The following SYNJ2BP variants were observed in gnomAD, a reference collection of about 807,000 sequenced individuals.
The protein encoded by SYNJ2BP is synaptojanin-2-binding protein.
Under a neutral mutation model 16.9 loss-of-function variants are expected in SYNJ2BP, and 10 were observed. The ratio of observed to expected loss-of-function variants is 0.59; its 90% confidence interval spans 0.36 to 1.00. The LOEUF (loss-of-function observed/expected upper bound fraction) is 1.00, where lower values mean the gene tolerates loss of function less well. Among genes scored for constraint, SYNJ2BP ranks in the 50% least tolerant of loss-of-function variants. The probability of loss-of-function intolerance (pLI) is 0.01; values close to 1 mark genes in which losing one functional copy is unlikely to be tolerated. For synonymous variants in SYNJ2BP, 54 were observed against 68.4 expected (o/e 0.79, Z 1.04); for missense variants, 162 against 186.7 (o/e 0.87, Z 0.77).
Position 70,388,456 on chromosome 14 carries a change from A to G in SYNJ2BP, c.201+14T>C. The G allele has an allele frequency of 6.5e-7, 1 of 1,540,282 alleles. No individual in the cohort carries two copies. Among genetic ancestry groups the G allele is most frequent in the Non-Finnish European group, 8.7e-7 (1 of 1,145,206 alleles). On this transcript the variant is annotated intron_variant, in intron 2 of 3. Coordinates refer to ENST00000256366, the MANE Select transcript of SYNJ2BP (RefSeq NM_018373.3). ...GAGCAAAGGACAGTGAAGGAGGCCG[A>G]AGCCCATTCTCACCGAAAGGATCTT...
rs1276443082 is a variant in SYNJ2BP at position 70,395,992 on chromosome 14, A to C, written c.65-7386T>G. On this transcript the variant is annotated intron_variant, in intron 1 of 3. Coordinates refer to ENST00000256366, the MANE Select transcript of SYNJ2BP (RefSeq NM_018373.3). The stretch of plus-strand genomic sequence containing the variant: ...ATTCTTTTTTTTAAGGCTGAATTAT[A>C]ATCTTTTGTATGTACATACCACATT... Among the ~76,000 whole-genome samples the C allele has an allele frequency of 2.0e-5, 3 of 152,282 alleles. No homozygotes were observed. The East Asian group carries it at 5.8e-4, about 29-fold the overall frequency.
rs149186362 is a variant in SYNJ2BP at position 70,368,691 on chromosome 14, TTTGTTGTTGTTG to T, written c.*4288_*4299del. ...AAGCTGGGCTCTAAAGGCCCAAGTT[TTTGTTGTTGTTG>T]TTGTTGTTGTTGTTTTGCCTGAAGC... On this transcript the variant is annotated 3_prime_UTR_variant, in exon 4 of 4. Coordinates refer to ENST00000256366, the MANE Select transcript of SYNJ2BP (RefSeq NM_018373.3). 2 of 151,156 alleles carry T rather than the reference TTTGTTGTTGTTG, an allele frequency of 1.3e-5. No individual in the cohort carries two copies. Among genetic ancestry groups the T allele is most frequent in the Non-Finnish European group, 3.0e-5 (2 of 67,578 alleles). The allele number at this position is 151,156 out of a possible 1,614,324, so 9.4% of individuals were successfully genotyped here. A position where few individuals can be genotyped will look rare whatever the true frequency, so the allele number is the denominator to read the frequency against.
At chr14:70,376,221 T>C (rs576571749) in intron 2 of SYNJ2BP, among the ~76,000 whole-genome samples, 2 of 152,340 alleles carry the variant, frequency 1.3e-5, no homozygotes, top group South Asian at 2.1e-4. Flanking sequence ...CCAATTTATT[T>C]TGATGTCATA....
At chr14:70,391,619 G>A (rs1887982118) in intron 1 of SYNJ2BP, among the ~76,000 whole-genome samples, 3 of 152,196 alleles carry the variant, frequency 2.0e-5, no homozygotes, top group Admixed American at 2.0e-4. Context: ...TGCTACAGTT[G>A]CCTCTGGTGA....
In SYNJ2BP at chr14:70,368,756, G is replaced by A. The variant is rs1039742009; in HGVS notation, c.*4235C>T. On this transcript the variant is annotated 3_prime_UTR_variant, in exon 4 of 4. Transcript: ENST00000256366. Reference sequence around the variant, plus strand: ...TGTATGTAATTTAATAATTTAAATAGTGTTTAATTAAATAGTGTCTTGTTT... The same window carrying A: ...TGTATGTAATTTAATAATTTAAATAATGTTTAATTAAATAGTGTCTTGTTT... 1 of 151,694 alleles carries A rather than the reference G, an allele frequency of 6.6e-6. No individual in the cohort carries two copies. Among genetic ancestry groups the A allele is most frequent in the Non-Finnish European group, 1.5e-5 (1 of 67,660 alleles). The allele number at this position is 151,694 out of a possible 1,614,324, so 9.4% of individuals were successfully genotyped here.
At chr14:70,385,137 C>T (rs1887832525) in intron 2 of SYNJ2BP, among the ~76,000 whole-genome samples, 1 of 152,084 alleles carries the variant, frequency 6.6e-6, no homozygotes, top group South Asian at 2.1e-4. Context: ...CTACTTTTCT[C>T]TTCATTGACA....
At chr14:70,412,273 T>C (rs1438196313) in intron 1 of SYNJ2BP, among the ~76,000 whole-genome samples, 1 of 152,128 alleles carries the variant, frequency 6.6e-6, no homozygotes, top group African/African-American at 2.4e-5. Flanking sequence ...TTCTTAAACA[T>C]GGCTACTGCA....
chr14:70,412,794 G>A (rs1594964521), intron 1 of SYNJ2BP, among the ~76,000 whole-genome samples: 1 of 152,090 alleles, frequency 6.6e-6, no homozygotes, highest in East Asian at 1.9e-4. Context: ...GAAACCCATT[G>A]AGGACTCGGA....
intron 3 of SYNJ2BP, among the ~76,000 whole-genome samples, chr14:70,374,957 A>AT (rs34793292): frequency 3.3e-5 from 5 of 150,466 alleles, no homozygotes; most frequent in Admixed American, 6.6e-5. Context: ...TTTTATTATT[A>AT]TTTTTTTAAG....
intron 1 of SYNJ2BP, among the ~76,000 whole-genome samples, chr14:70,391,991 G>A (rs1887990699): frequency 6.6e-6 from 1 of 152,172 alleles, no homozygotes. Context: ...TTAAGTAGTG[G>A]CATGACCAAC....
intron 1 of SYNJ2BP, among the ~76,000 whole-genome samples, chr14:70,394,406 G>T (rs1207741811): frequency 6.6e-6 from 1 of 150,768 alleles, no homozygotes; most frequent in Non-Finnish European, 1.5e-5. Context: ...TAGCATTTAA[G>T]GTCCAAAAGG....
chr14:70,393,934 C>T (rs1347552701), intron 1 of SYNJ2BP, among the ~76,000 whole-genome samples: 2 of 140,718 alleles, frequency 1.4e-5, no homozygotes, highest in Non-Finnish European at 1.5e-5. Context: ...CAAACCTGCA[C>T]GTTCAGCACA....
At chr14:70,373,578 T>C (rs145696981) in intron 3 of SYNJ2BP, among the ~76,000 whole-genome samples, 1 of 152,274 alleles carries the variant, frequency 6.6e-6, no homozygotes, top group East Asian at 1.9e-4. Context: ...GTGGGCAATG[T>C]CAACATAGGT....
At chr14:70,388,752 G>A in intron 1 of SYNJ2BP, 146 bp from the exon 2 acceptor site, 1 of 1,251,412 alleles carries the variant, frequency 8.0e-7, no homozygotes, top group Non-Finnish European at 1.0e-6. Flanking sequence ...TGATGGAGCT[G>A]GTGAATGGTC....
At chr14:70,393,348 T>C (rs1218321574) in intron 1 of SYNJ2BP, among the ~76,000 whole-genome samples, 1 of 152,170 alleles carries the variant, frequency 6.6e-6, no homozygotes, top group African/African-American at 2.4e-5. Flanking sequence ...TTTTACACTG[T>C]TGGTGGGAGT....
At position 70,417,026 on chromosome 14, in the gene SYNJ2BP, T is replaced by A; in HGVS notation, c.-63A>T. The A allele has an allele frequency of 6.2e-7, 1 of 1,612,452 alleles. No individual in the cohort carries two copies. Among genetic ancestry groups the A allele is most frequent in the South Asian group, 1.1e-5 (1 of 90,824 alleles). On this transcript the variant is annotated 5_prime_UTR_variant, in exon 1 of 4. Transcript: ENST00000256366. ...GGAGTGCAGCACAGGTGAAGGTGAA[T>A]CAATCTCGGCGCTGCGCCCACAGCA... is the stretch of plus-strand genomic sequence containing the variant.
chr14:70,401,465 AT>A (rs1433494298), intron 1 of SYNJ2BP, among the ~76,000 whole-genome samples: 1 of 148,528 alleles, frequency 6.7e-6, no homozygotes. Context: ...TATTTAGGCT[AT>A]CTTTTGTGGG....
intron 1 of SYNJ2BP, among the ~76,000 whole-genome samples, chr14:70,399,039 C>A (rs61977555): frequency 2.0e-5 from 3 of 152,114 alleles, no homozygotes; most frequent in African/African-American, 7.2e-5. Context: ...GGGGATGCGG[C>A]CCCGCGGAGG....
intron 1 of SYNJ2BP, among the ~76,000 whole-genome samples, chr14:70,399,475 G>C (rs1594955426): frequency 6.6e-6 from 1 of 152,218 alleles, no homozygotes; most frequent in African/African-American, 2.4e-5. Flanking sequence ...CCAGGGTCTG[G>C]AGCAACAGAG....
Sources: gnomAD v4.1 joint callset for allele counts (sites outside exome capture counted in the v4.1 genomes callset) on GRCh38, gnomAD v4.1.1 for gene constraint, MANE v1.5 for transcripts, NCBI Gene and HGNC (gene_info 2026-07-23, HGNC 2026-07-21) for gene names.